The following SCN2A variants were observed in gnomAD, a reference collection of about 807,000 sequenced individuals.
SCN2A encodes the protein sodium channel protein type 2 subunit alpha.
A neutral mutation model predicts 188.7 loss-of-function variants in SCN2A; 20 were observed. The ratio of observed to expected loss-of-function variants is 0.11; its 90% CI spans 0.07 to 0.15. The LOEUF is 0.15. SCN2A is among the 10% of genes least tolerant of loss of function. The pLI is 1.00. For synonymous variants in SCN2A, 804 were observed against 833.1 expected, an observed-to-expected ratio of 0.97 and a Z score of 0.60; for missense variants, 1,278 against 2,445.0, an observed-to-expected ratio of 0.52 and a Z score of 10.07.
At chr2:165,258,237 C>G (rs1342858844) in intron 1 of SCN2A, among the ~76,000 whole-genome samples, 1 of 152,070 alleles carries the variant, frequency 6.6e-6, no homozygotes, top group Non-Finnish European at 1.5e-5. Context: ...GAAACTTTTG[C>G]CAGATCCTGT....
At chr2:165,339,863 A>T (rs192664197) in intron 14 of SCN2A, among the ~76,000 whole-genome samples, 1 of 152,314 alleles carries the variant, frequency 6.6e-6, no homozygotes, top group Non-Finnish European at 1.5e-5. Context: ...CTGATAAAAG[A>T]ATAATGAAAA....
At chr2:165,330,795 T>G (rs1698631531) in intron 13 of SCN2A, among the ~76,000 whole-genome samples, 1 of 152,108 alleles carries the variant, frequency 6.6e-6, no homozygotes, top group Non-Finnish European at 1.5e-5. Flanking sequence ...TGGAACTTTG[T>G]TGTGTCTAAT....
chr2:165,390,857 C>T lies in SCN2A; in HGVS notation c.*1033C>T, dbSNP rs1702098170. The T allele has an allele frequency of 6.6e-6, 1 of 152,466 alleles. No individual in the cohort carries two copies. The highest frequency in any genetic ancestry group is 2.4e-5 in the African/African-American group (1 of 41,404). 9.4% of individuals were successfully genotyped at this position (152,466 alleles called of 1,614,324 possible). A position where few individuals can be genotyped will look rare whatever the true frequency, so the allele number is the denominator to read the frequency against. On this transcript the variant is annotated 3_prime_UTR_variant, in exon 27 of 27. Transcript: ENST00000375437. ...TGCTTTATCCTGCAGTATTGTTTAG[C>T]CATCTTCTGCTCTTGGTAAGGTTGA...
chr2:165,362,429 A>G (rs1040689288), intron 17 of SCN2A, among the ~76,000 whole-genome samples: 1 of 151,982 alleles, frequency 6.6e-6, no homozygotes, highest in African/African-American at 2.4e-5. Flanking sequence ...AAACACCTCA[A>G]CATGCTTCTC....
intron 1 of SCN2A, among the ~76,000 whole-genome samples, chr2:165,260,477 A>G (rs1425751568): frequency 6.6e-6 from 1 of 152,150 alleles, no homozygotes; most frequent in Non-Finnish European, 1.5e-5. Context: ...TGTCATTCAG[A>G]CTTTATTGTT....
rs962425915 is a variant in SCN2A, at chr2:165,309,045, A to G, written c.605+251A>G. ...AGAGATTATGATTGATGACAATGCCATTTTCCTCTTAATTGGGAAAGCTGA... is the reference window on the plus strand; with the variant it reads ...AGAGATTATGATTGATGACAATGCCGTTTTCCTCTTAATTGGGAAAGCTGA... On this transcript the variant is annotated intron_variant, in intron 5 of 26. Transcript: ENST00000375437. 5 of 1,203,804 alleles carry G rather than the reference A, an allele frequency of 4.2e-6. No homozygotes were observed. In the African/African-American group the frequency reaches 6.1e-5, roughly 15 times the overall value. 74.6% of individuals were successfully genotyped at this position (1,203,804 alleles called of 1,614,324 possible). A position where few individuals can be genotyped will look rare whatever the true frequency, so the allele number is the denominator to read the frequency against.
chr2:165,323,039 A>G (rs907235233), intron 11 of SCN2A, 117 bp from the exon 12 acceptor site: 7 of 996,848 alleles, frequency 7.0e-6, no homozygotes, highest in African/African-American at 3.2e-5. Flanking sequence ...CACATGTCCA[A>G]TGACTTATCC....
In SCN2A at chr2:165,320,967, G is replaced by A. The variant is rs192442428; in HGVS notation, c.1672-2189G>A. ...TGCTTGAATTTCTCTTCAGGAAATG[G>A]GATTTTCTTTTCTGTCACATTGTCA... On this transcript the variant is annotated intron_variant, in intron 11 of 26. Transcript: ENST00000375437. Among the ~76,000 whole-genome samples the A allele has an allele frequency of 4.4e-3, 673 of 152,186 alleles. 5 individuals are homozygous for A. Among genetic ancestry groups the A allele is most frequent in the African/African-American group, 0.015 (630 of 41,534 alleles).
intron 1 of SCN2A, among the ~76,000 whole-genome samples, chr2:165,295,361 T>G (rs1247880618): frequency 6.6e-6 from 1 of 152,236 alleles, no homozygotes. Context: ...GTTCTACAAT[T>G]TAATATGATG....
At chr2:165,257,883 G>A (rs537868738) in intron 1 of SCN2A, among the ~76,000 whole-genome samples, 1 of 152,242 alleles carries the variant, frequency 6.6e-6, no homozygotes, top group Non-Finnish European at 1.5e-5. Context: ...GTGATGTTGA[G>A]TTTTTTCTTC....
intron 5 of SCN2A, chr2:165,309,131 C>G (rs1160838866): frequency 1.2e-6 from 2 of 1,608,002 alleles, no homozygotes; most frequent in African/African-American, 1.3e-5. Flanking sequence ...GTAGATTTCC[C>G]TAAATTCTGA....
intron 14 of SCN2A, among the ~76,000 whole-genome samples, chr2:165,341,116 C>T (rs960773377): frequency 6.6e-6 from 1 of 152,058 alleles, no homozygotes; most frequent in Admixed American, 6.6e-5. Context: ...TTTTTTGAGA[C>T]GGAGTCTTGC....
chr2:165,285,946 T>G (rs770267802), intron 1 of SCN2A: 4 of 224,080 alleles, frequency 1.8e-5, no homozygotes, highest in Non-Finnish European at 2.8e-5. Flanking sequence ...AGGGGCAAAA[T>G]GACCCTGTAT....
chr2:165,388,486 T>G, intron 26 of SCN2A, 143 bp from the exon 27 acceptor site: 6 of 1,168,630 alleles, frequency 5.1e-6, no homozygotes, highest in Non-Finnish European at 6.1e-6. Context: ...TTCATTTTGC[T>G]CAACAAACAT....
intron 1 of SCN2A, among the ~76,000 whole-genome samples, chr2:165,253,760 C>A (rs934614549): frequency 6.6e-6 from 1 of 151,844 alleles, no homozygotes; most frequent in Non-Finnish European, 1.5e-5. Flanking sequence ...AATGAATGAA[C>A]CTATATAGAG....
intron 7 of SCN2A, among the ~76,000 whole-genome samples, chr2:165,311,727 G>T (rs955054976): frequency 6.6e-6 from 1 of 152,000 alleles, no homozygotes; most frequent in African/African-American, 2.4e-5. Context: ...CTTTCTTAAT[G>T]TATCCCATGC....
At chr2:165,378,097 A>T (rs1701405536) in intron 23 of SCN2A, among the ~76,000 whole-genome samples, 2 of 151,534 alleles carry the variant, frequency 1.3e-5, no homozygotes, top group Non-Finnish European at 3.0e-5. Flanking sequence ...GGAAAGTGAG[A>T]TTAAGTGGTA....
chr2:165,244,947 G>A (rs1693780936), intron 1 of SCN2A, among the ~76,000 whole-genome samples: 1 of 148,654 alleles, frequency 6.7e-6, no homozygotes, highest in Non-Finnish European at 1.5e-5. Flanking sequence ...AAGCATATAT[G>A]AAGGTAGTGC....
chr2:165,384,841 A>C (rs1256617747), intron 25 of SCN2A, among the ~76,000 whole-genome samples: 1 of 152,190 alleles, frequency 6.6e-6, no homozygotes, highest in Admixed American at 6.6e-5. Flanking sequence ...AATAGTAGAC[A>C]GATAAACTAT....
Sources: gnomAD v4.1 joint callset for allele counts (sites outside exome capture counted in the v4.1 genomes callset) on GRCh38, gnomAD v4.1.1 for gene constraint, MANE v1.5 for transcripts, NCBI Gene and HGNC (gene_info 2026-07-23, HGNC 2026-07-21) for gene names.